VMP1: variants seen among roughly 807,000 people sequenced by gnomAD.
The protein encoded by VMP1 is ectopic P-granules autophagy protein 3 homolog.
Under a neutral mutation model 56.0 loss-of-function variants are expected in VMP1, and 11 were observed. The observed-to-expected ratio is 0.20, with a 90% CI of 0.12 to 0.32. The LOEUF is 0.32. VMP1 is among the 10% of genes least tolerant of loss of function. VMP1 has a pLI of 1.00. For synonymous variants in VMP1, 149 were observed against 165.0 expected (o/e 0.90, Z 0.74); for missense variants, 296 against 490.3 (o/e 0.60, Z 3.74).
At chr17:59,786,880 G>A (rs895288741) in intron 7 of VMP1, among the ~76,000 whole-genome samples, 2 of 152,174 alleles carry the variant, frequency 1.3e-5, no homozygotes, top group Non-Finnish European at 2.9e-5. Flanking sequence ...GTGAACATGA[G>A]AGACACATGT....
At chr17:59,829,150 G>A (rs2038735616) in intron 10 of VMP1, among the ~76,000 whole-genome samples, 1 of 152,122 alleles carries the variant, frequency 6.6e-6, no homozygotes. Flanking sequence ...AAAGATTCAT[G>A]TGTTCTATTC....
intron 5 of VMP1, among the ~76,000 whole-genome samples, chr17:59,745,877 A>G (rs549377818): frequency 6.6e-6 from 1 of 152,362 alleles, no homozygotes; most frequent in African/African-American, 2.4e-5. Context: ...AATGTAATTC[A>G]TTATTTATTA....
At chr17:59,726,927 T>C (rs1399177312) in intron 1 of VMP1, among the ~76,000 whole-genome samples, 2 of 152,190 alleles carry the variant, frequency 1.3e-5, no homozygotes, top group African/African-American at 4.8e-5. Context: ...TGAGCTCCGA[T>C]AGTGCTTTCT....
chr17:59,753,121 T>A lies in VMP1; in HGVS notation c.415-11850T>A, dbSNP rs145811361. Among the ~76,000 whole-genome samples the A allele has an allele frequency of 2.6e-3, 389 of 151,790 alleles. 5 individuals carry two copies. Among genetic ancestry groups the A allele is most frequent in the East Asian group, 0.017 (86 of 5,174 alleles). On this transcript the variant is annotated intron_variant, in intron 5 of 11. Transcript: ENST00000262291. The stretch of plus-strand genomic sequence containing the variant: ...TGGGACCCCGTCTCTACGAAAAAAA[T>A]TTTTTAATTAGCCAGGTGTAGTGGC...
intron 7 of VMP1, among the ~76,000 whole-genome samples, chr17:59,789,107 G>A (rs2144109880): frequency 6.7e-6 from 1 of 150,300 alleles, no homozygotes; most frequent in East Asian, 2.0e-4. Flanking sequence ...TGGCTAACAC[G>A]GTGAAATCCC....
chr17:59,835,085 A>G (rs1598466597), intron 10 of VMP1, among the ~76,000 whole-genome samples: 1 of 149,754 alleles, frequency 6.7e-6, no homozygotes, highest in African/African-American at 2.4e-5. Flanking sequence ...TGGTAGAGAC[A>G]GGGTTTCACC....
chr17:59,753,998 A>G (rs954291569), intron 5 of VMP1, among the ~76,000 whole-genome samples: 5 of 152,186 alleles, frequency 3.3e-5, no homozygotes, highest in African/African-American at 9.6e-5. Context: ...TTTGTTTCAT[A>G]TGACCATTTT....
chr17:59,745,272 G>A (rs2035382155), intron 5 of VMP1, among the ~76,000 whole-genome samples: 1 of 152,198 alleles, frequency 6.6e-6, no homozygotes, highest in African/African-American at 2.4e-5. Flanking sequence ...ATGTTTACTA[G>A]GTGGTAGTCT....
chr17:59,744,976 G>C, intron 5 of VMP1, among the ~76,000 whole-genome samples: 1 of 152,136 alleles, frequency 6.6e-6, no homozygotes, highest in East Asian at 1.9e-4. Flanking sequence ...CAGTTTGCAA[G>C]AGGTTAAGCA....
chr17:59,712,965 ATGGACAG>A (rs2033988112), intron 1 of VMP1, among the ~76,000 whole-genome samples: 1 of 152,172 alleles, frequency 6.6e-6, no homozygotes, highest in African/African-American at 2.4e-5. Flanking sequence ...AGCAAAGAAG[ATGGACAG>A]TTGTGTGTGG....
At chr17:59,815,242 A>G (rs1205012009) in intron 9 of VMP1, among the ~76,000 whole-genome samples, 2 of 152,328 alleles carry the variant, frequency 1.3e-5, no homozygotes, top group South Asian at 2.1e-4. Context: ...AGGAAAAGGC[A>G]TGAGAAGAGT....
At chr17:59,816,898 A>T (rs1236739081) in intron 9 of VMP1, among the ~76,000 whole-genome samples, 2 of 149,896 alleles carry the variant, frequency 1.3e-5, no homozygotes, top group East Asian at 4.0e-4. Context: ...GTGAGCCAAG[A>T]TGGCGCCACT....
At chr17:59,833,247 C>T (rs2038875289) in intron 10 of VMP1, among the ~76,000 whole-genome samples, 1 of 151,966 alleles carries the variant, frequency 6.6e-6, no homozygotes, top group Non-Finnish European at 1.5e-5. Context: ...AGAGTGAGAG[C>T]TGTAATTTCT....
chr17:59,766,265 C>T lies in VMP1; in HGVS notation c.582+1127C>T, dbSNP rs1381669216. Among the ~76,000 whole-genome samples, 6 of 152,052 alleles carry T rather than the reference C, an allele frequency of 3.9e-5. 1 individual carries two copies. In the East Asian group the frequency reaches 1.2e-3, roughly 29 times the overall value. ...ATCCCTGTAATCTCAGCACTTTGGG[C>T]GGCCAAGGCAGGCAGATCACTTGAG... On this transcript the variant is annotated intron_variant, in intron 6 of 11. Coordinates refer to ENST00000262291, the MANE Select transcript of VMP1 (RefSeq NM_030938.5).
intron 7 of VMP1, chr17:59,784,894 G>C (rs2036956107): frequency 6.6e-6 from 1 of 151,774 alleles, no homozygotes; most frequent in Non-Finnish European, 1.5e-5. Context: ...TATTTTTTTA[G>C]ACTTGCAAAT....
chr17:59,736,893 T>C (rs867075909), intron 3 of VMP1, among the ~76,000 whole-genome samples: 6 of 149,842 alleles, frequency 4.0e-5, no homozygotes, highest in Non-Finnish European at 5.9e-5. Context: ...ATACAAAAAT[T>C]AGCCGGGCAT....
chr17:59,722,648 G>A (rs1191225238), intron 1 of VMP1, among the ~76,000 whole-genome samples: 2 of 152,048 alleles, frequency 1.3e-5, no homozygotes, highest in Non-Finnish European at 2.9e-5. Context: ...GAAGACTAGC[G>A]TGGCCAACAT....
chr17:59,766,384 A>C (rs1431201561), intron 6 of VMP1, among the ~76,000 whole-genome samples: 1 of 152,100 alleles, frequency 6.6e-6, no homozygotes, highest in East Asian at 1.9e-4. Flanking sequence ...CATACCTGTC[A>C]TCTCAGCTAC....
chr17:59,833,508 A>T (rs538370066), intron 10 of VMP1, among the ~76,000 whole-genome samples: 81 of 152,160 alleles, frequency 5.3e-4, no homozygotes, highest in Non-Finnish European at 8.1e-4. Context: ...AAAAAGAAAC[A>T]TAATAATAAT....
Sources: gnomAD v4.1 joint callset for allele counts (sites outside exome capture counted in the v4.1 genomes callset) on GRCh38, gnomAD v4.1.1 for gene constraint, MANE v1.5 for transcripts, NCBI Gene and HGNC (gene_info 2026-07-23, HGNC 2026-07-21) for gene names.